CNTNAP2: variants seen among roughly 807,000 people sequenced by gnomAD.
The protein encoded by CNTNAP2 is contactin-associated protein-like 2.
In CNTNAP2, 98 loss-of-function variants were observed where a neutral mutation model predicts 155.2. The observed-to-expected ratio is 0.63, with a 90% CI of 0.54 to 0.75. The LOEUF is 0.75. Among genes scored for constraint, CNTNAP2 ranks in the 30% least tolerant of loss-of-function variants. The pLI is 0.00. For missense variants in CNTNAP2, 1,727 were observed against 1,688.1 expected, an observed-to-expected ratio of 1.02 and a Z score of -0.40; for synonymous variants, 651 against 631.2, an observed-to-expected ratio of 1.03 and a Z score of -0.47.
chr7:146,926,904 T>C (rs545085363), intron 3 of CNTNAP2, among the ~76,000 whole-genome samples: 138 of 152,254 alleles, frequency 9.1e-4, no homozygotes, highest in Non-Finnish European at 1.7e-3. Context: ...TCAATGGATA[T>C]GGGAATAAAA....
chr7:146,349,374 A>G (rs1394837990), intron 1 of CNTNAP2, among the ~76,000 whole-genome samples: 1 of 152,206 alleles, frequency 6.6e-6, no homozygotes, highest in African/African-American at 2.4e-5. Context: ...AGTAGCTCTC[A>G]TTTCTAACTT....
intron 21 of CNTNAP2, among the ~76,000 whole-genome samples, chr7:148,331,409 A>G (rs1283135274): frequency 7.5e-6 from 1 of 133,348 alleles, no homozygotes; most frequent in African/African-American, 3.0e-5. Flanking sequence ...GGATGGATGG[A>G]ATGGATGGAT....
chr7:147,037,398 T>C (rs971930851), intron 3 of CNTNAP2, among the ~76,000 whole-genome samples: 5 of 151,766 alleles, frequency 3.3e-5, no homozygotes, highest in African/African-American at 1.2e-4. Context: ...AACTTGTTAC[T>C]TTGTCCCAAG....
chr7:146,396,505 G>A (rs528147049), intron 1 of CNTNAP2, among the ~76,000 whole-genome samples: 1 of 151,858 alleles, frequency 6.6e-6, no homozygotes, highest in Non-Finnish European at 1.5e-5. Flanking sequence ...TGCAATTAGA[G>A]TTTACTTGAT....
At chr7:148,300,087 T>C (rs1176052861) in intron 21 of CNTNAP2, among the ~76,000 whole-genome samples, 2 of 152,174 alleles carry the variant, frequency 1.3e-5, no homozygotes, top group Non-Finnish European at 2.9e-5. Flanking sequence ...AAAGGGCGTA[T>C]GGAAATGGAA....
chr7:147,771,171 G>T (rs988218133), intron 13 of CNTNAP2, among the ~76,000 whole-genome samples: 8 of 152,132 alleles, frequency 5.3e-5, no homozygotes, highest in Non-Finnish European at 8.8e-5. Context: ...AAATTGGCCT[G>T]TTGCATCACA....
At position 147,639,151 on chromosome 7, in the gene CNTNAP2, C is replaced by T. The variant is rs534215627; in HGVS notation, c.1943C>T (p.Thr648Met). ...GTGTCTCATGACTTGCAGATGCAGA[C>T]GCCTGTGGTCGGCTACAACCCAGAA... Reference protein sequence around the residue: ...TIVSHDLQMQTPVVGYNPEKY... With the variant: ...TIVSHDLQMQMPVVGYNPEKY... The change falls in exon 13 of 24, where the codon ACG becomes ATG. Residue 648 changes from threonine (T) to methionine (M), a missense_variant. Thr to Met is a moderately conservative substitution (Grantham distance 81). Coordinates refer to ENST00000361727, the MANE Select transcript of CNTNAP2 (RefSeq NM_014141.6). The T allele has an allele frequency of 3.8e-5, 62 of 1,614,110 alleles. No individual in the cohort carries two copies. Among genetic ancestry groups the T allele is most frequent in the African/African-American group, 2.1e-4 (16 of 75,030 alleles).
chr7:147,670,998 G>A (rs941745560), intron 13 of CNTNAP2, among the ~76,000 whole-genome samples: 2 of 152,176 alleles, frequency 1.3e-5, no homozygotes, highest in African/African-American at 4.8e-5. Flanking sequence ...ACTCTGCCAC[G>A]GGGCCTGCAT....
At chr7:146,245,975 CAT>C (rs1799642463) in intron 1 of CNTNAP2, among the ~76,000 whole-genome samples, 1 of 142,640 alleles carries the variant, frequency 7.0e-6, no homozygotes, top group Non-Finnish European at 1.5e-5. Flanking sequence ...GTTGATAAGG[CAT>C]AGATCCTGAA....
chr7:147,617,239 G>A (rs1475783297), intron 12 of CNTNAP2, among the ~76,000 whole-genome samples: 1 of 152,036 alleles, frequency 6.6e-6, no homozygotes, highest in East Asian at 1.9e-4. Flanking sequence ...TGGGTTATAT[G>A]GACCTTTTAT....
intron 4 of CNTNAP2, among the ~76,000 whole-genome samples, chr7:147,070,846 G>A (rs909637497): frequency 1.4e-5 from 2 of 146,718 alleles, no homozygotes; most frequent in South Asian, 2.1e-4. Flanking sequence ...TCTCATTTAC[G>A]ATGGAAATGT....
chr7:146,638,643 C>T (rs998789906), intron 1 of CNTNAP2, among the ~76,000 whole-genome samples: 3 of 151,700 alleles, frequency 2.0e-5, no homozygotes, highest in South Asian at 2.1e-4. Context: ...CGCCACCACA[C>T]CTGGCTAATT....
intron 13 of CNTNAP2, among the ~76,000 whole-genome samples, chr7:147,744,136 G>A (rs1796999842): frequency 2.0e-5 from 3 of 152,258 alleles, no homozygotes; most frequent in Admixed American, 6.5e-5. Context: ...TTGATGATTA[G>A]CATTTGATAT....
intron 2 of CNTNAP2, among the ~76,000 whole-genome samples, chr7:146,779,675 T>C (rs1244856699): frequency 6.6e-6 from 1 of 152,220 alleles, no homozygotes; most frequent in Non-Finnish European, 1.5e-5. Flanking sequence ...TCTAAGAATC[T>C]TGTTTGTTGC....
chr7:146,674,673 C>G (rs66514771), intron 1 of CNTNAP2, among the ~76,000 whole-genome samples: 3 of 151,942 alleles, frequency 2.0e-5, no homozygotes, highest in East Asian at 1.9e-4. Flanking sequence ...CCCAAAGAGG[C>G]AGTTGGACCC....
chr7:147,072,001 G>C (rs1310253174), intron 4 of CNTNAP2, among the ~76,000 whole-genome samples: 1 of 152,138 alleles, frequency 6.6e-6, no homozygotes, highest in Non-Finnish European at 1.5e-5. Context: ...TCTGCACAGT[G>C]GAGGTCATAT....
chr7:147,664,026 C>T (rs1481918987), intron 13 of CNTNAP2, among the ~76,000 whole-genome samples: 2 of 152,176 alleles, frequency 1.3e-5, no homozygotes, highest in African/African-American at 4.8e-5. Context: ...TGTTTAACCA[C>T]AAGACATTAA....
In CNTNAP2 at chr7:146,132,420, A is replaced by AT. The variant is rs1410196007; in HGVS notation, c.97+15454dup. ...CATTTATTTATTTATTTGTTTATTT[A>AT]TTTTTTTATTATACTTTAAGTTTTA... is the stretch of plus-strand genomic sequence containing the variant. On this transcript the variant is annotated intron_variant, in intron 1 of 23. Coordinates refer to ENST00000361727, the MANE Select transcript of CNTNAP2 (RefSeq NM_014141.6). Among the ~76,000 whole-genome samples, 9 of 152,020 alleles carry AT rather than the reference A, an allele frequency of 5.9e-5. No individual in the cohort carries two copies. In the South Asian group the frequency reaches 1.9e-3, roughly 32 times the overall value.
chr7:146,434,346 AAT>A (rs1343222890), intron 1 of CNTNAP2, among the ~76,000 whole-genome samples: 3 of 152,158 alleles, frequency 2.0e-5, no homozygotes, highest in African/African-American at 4.8e-5. Context: ...CTAAAGCATT[AAT>A]GGTGCTTTCA....
Sources: allele counts gnomAD v4.1 joint callset (sites outside exome capture counted in the v4.1 genomes callset), GRCh38; gene constraint gnomAD v4.1.1; transcripts MANE v1.5; gene names NCBI Gene and HGNC (gene_info 2026-07-23, HGNC 2026-07-21).